The following EHMT1 variants were observed in gnomAD, a reference collection of about 807,000 sequenced individuals.
EHMT1 encodes histone-lysine N-methyltransferase EHMT1.
In EHMT1, 15 loss-of-function variants were observed where a neutral mutation model predicts 147.2. The observed-to-expected ratio is 0.10, with a 90% confidence interval of 0.07 to 0.16. EHMT1 has a LOEUF of 0.16. Ranked by LOEUF, EHMT1 falls within the 10% of genes least tolerant of loss-of-function variation. The pLI, the probability that EHMT1 is intolerant of heterozygous loss-of-function variation, is 1.00. For missense variants in EHMT1, 1,587 were observed against 1,772.4 expected, an observed-to-expected ratio of 0.90 and a Z score of 1.88; for synonymous variants, 795 against 709.6, an observed-to-expected ratio of 1.12 and a Z score of -1.91.
rs1019313355 is a variant in EHMT1, at chr9:137,835,017, G to C, written c.*64G>C. On this transcript the variant is annotated 3_prime_UTR_variant, in exon 27 of 27. Transcript: ENST00000460843. ...CGCCGCGTCGCCGATTAGAGGACGA[G>C]GAGGAGAGATTCCGCACGCAACCGA... 6 of 1,353,756 alleles carry C rather than the reference G, an allele frequency of 4.4e-6. No individual in the cohort carries two copies. The highest frequency in any genetic ancestry group is 5.7e-6 in the Non-Finnish European group (6 of 1,058,912). 83.9% of individuals were successfully genotyped at this position (1,353,756 alleles called of 1,614,324 possible). A position where few individuals can be genotyped will look rare whatever the true frequency, so the allele number is the denominator to read the frequency against.
At chr9:137,784,171 C>T in intron 15 of EHMT1, 1 of 1,551,290 alleles carries the variant, frequency 6.4e-7, no homozygotes, top group Non-Finnish European at 8.7e-7. Context: ...GGACCTCGTG[C>T]TGTTCCCGAA....
chr9:137,756,363 C>T (rs774079836), intron 8 of EHMT1, among the ~76,000 whole-genome samples: 3 of 152,184 alleles, frequency 2.0e-5, no homozygotes, highest in Non-Finnish European at 4.4e-5. Flanking sequence ...TTTGTTTATC[C>T]TTATACCAGT....
chr9:137,637,139 T>C (rs1187939812), intron 1 of EHMT1, among the ~76,000 whole-genome samples: 13 of 151,990 alleles, frequency 8.6e-5, no homozygotes, highest in African/African-American at 1.5e-4. Context: ...CCTCGTGATC[T>C]GCCCGTCTCC....
intron 5 of EHMT1, 148 bp from the exon 6 acceptor site, chr9:137,743,754 C>A: frequency 8.7e-7 from 1 of 1,155,036 alleles, no homozygotes; most frequent in Non-Finnish European, 1.2e-6. Context: ...CCGGGCTCTT[C>A]TCCAGGTGGC....
intron 1 of EHMT1, among the ~76,000 whole-genome samples, chr9:137,706,509 C>T (rs567876552): frequency 2.0e-5 from 3 of 152,346 alleles, no homozygotes; most frequent in East Asian, 1.9e-4. Flanking sequence ...ATTTTTGAGA[C>T]GGAGTCTCGC....
rs1312633647 is a variant in EHMT1, at chr9:137,721,520, C to T, written c.642+4338C>T. Among the ~76,000 whole-genome samples the T allele has an allele frequency of 1.7e-5, 2 of 115,784 alleles. 1 individual carries two copies. The highest frequency in any genetic ancestry group is 7.2e-5 in the African/African-American group (2 of 27,952). 76.0% of individuals were successfully genotyped at this position (115,784 alleles called of 152,430 possible). Reference sequence around the variant, plus strand: ...TTCTCACACGCCTCTCACCCTCTCCCACGCCTCTCACCCTCTCCCACGCCT... The same window carrying T: ...TTCTCACACGCCTCTCACCCTCTCCTACGCCTCTCACCCTCTCCCACGCCT... On this transcript the variant is annotated intron_variant, in intron 3 of 26. Coordinates refer to ENST00000460843, the MANE Select transcript of EHMT1 (RefSeq NM_024757.5).
At position 137,776,411 on chromosome 9, in the gene EHMT1, C is replaced by G; in HGVS notation, c.1792-207C>G. ...CCAAGTGACCTCTGTCTGGCTTCAG[C>G]TTCTTCTCTGTGGGGCGAGAGCACC... On this transcript the variant is annotated intron_variant, in intron 11 of 26. Coordinates refer to ENST00000460843, the MANE Select transcript of EHMT1 (RefSeq NM_024757.5). This position sits in a 1 kb window ranked among gnomAD's most constrained non-coding sequence, Gnocchi z 4.4. 1 of 533,596 alleles carries G rather than the reference C, an allele frequency of 1.9e-6. No homozygotes were observed. The highest frequency in any genetic ancestry group is 2.0e-5 in the South Asian group (1 of 49,730). The allele number at this position is 533,596 out of a possible 1,614,324, so 33.1% of individuals were successfully genotyped here.
intron 1 of EHMT1, among the ~76,000 whole-genome samples, chr9:137,704,003 G>A (rs979092429): frequency 6.6e-6 from 1 of 152,132 alleles, no homozygotes; most frequent in African/African-American, 2.4e-5. Context: ...CAATCATGGC[G>A]GGAGGGCAAA....
chr9:137,717,400 T>G, intron 3 of EHMT1: 1 of 666,758 alleles, frequency 1.5e-6, no homozygotes. Context: ...CCTAGGAGTT[T>G]GAGACCAGCC....
chr9:137,624,069 G>A (rs1347432747), intron 1 of EHMT1, among the ~76,000 whole-genome samples: 2 of 147,804 alleles, frequency 1.4e-5, no homozygotes, highest in East Asian at 2.0e-4. Context: ...GCGCCATCTC[G>A]GCTTACTGCA....
At position 137,716,760 on chromosome 9, in the gene EHMT1, C is replaced by G. The variant is rs531716541; in HGVS notation, c.220C>G (p.Gln74Glu). 23 of 1,613,008 alleles carry G rather than the reference C, an allele frequency of 1.4e-5. No homozygotes were observed. The Admixed American group carries it at 3.3e-4, about 23-fold the overall frequency. The change falls in exon 3 of 27, where the codon CAG becomes GAG. Residue 74 changes from glutamine to glutamate, a missense_variant. Gln to Glu is a conservative substitution (Grantham distance 29, BLOSUM62 2). This residue lies in a region of EHMT1 where 810 missense variants were observed against 673.0 expected (regional missense o/e 1.20). Transcript: ENST00000460843. ...TCATGCAAATGCTGCAAAGCACACT[C>G]AGGACAGCGCAAGGGTCAACCCCCA... The part of the protein sequence containing the change: ...SSHANAAKHT[Q>E]DSARVNPQDG...
Position 137,754,272 on chromosome 9 carries a change from G to A in EHMT1, c.1350G>A (p.Lys450=), listed in dbSNP as rs1328393215. Residue 450 remains lysine, a synonymous_variant, in exon 8 of 27, where the codon AAG becomes AAA. Transcript: ENST00000460843. Reference sequence around the variant, plus strand: ...GGAAAAGGAGGCGGAGAAGTAGAAAGAAGCCCAGCGGTGCCCTCGGTAAAT... The same window carrying A: ...GGAAAAGGAGGCGGAGAAGTAGAAAAAAGCCCAGCGGTGCCCTCGGTAAAT... ...PARKRRRRSR[K]KPSGALGSES... The A allele has an allele frequency of 6.2e-7, 1 of 1,614,114 alleles. No individual in the cohort carries two copies. Among genetic ancestry groups the A allele is most frequent in the Non-Finnish European group, 8.5e-7 (1 of 1,179,994 alleles).
Position 137,787,515 on chromosome 9 carries a change from T to G in EHMT1, c.2383-3333T>G. 1 of 343,682 alleles carries G rather than the reference T, an allele frequency of 2.9e-6. No homozygotes were observed. Among genetic ancestry groups the G allele is most frequent in the African/African-American group, 2.1e-5 (1 of 47,024 alleles). 21.3% of individuals were successfully genotyped at this position (343,682 alleles called of 1,614,324 possible). ...TGCCCAGCTCGGCCACGGCCACACGTGGGGTAGTTAGTAAACACCATGGAC... is the reference window on the plus strand; with the variant it reads ...TGCCCAGCTCGGCCACGGCCACACGGGGGGTAGTTAGTAAACACCATGGAC... On this transcript the variant is annotated intron_variant, in intron 15 of 26. Transcript: ENST00000460843. The surrounding 1 kb of genome is among the most constrained non-coding windows in gnomAD (Gnocchi z 4.2).
intron 18 of EHMT1, among the ~76,000 whole-genome samples, chr9:137,811,077 C>T (rs1324518777): frequency 2.6e-5 from 4 of 152,022 alleles, no homozygotes; most frequent in Admixed American, 6.6e-5. Context: ...TATGACTATA[C>T]CCCTGCTTGG....
At chr9:137,670,744 T>C (rs2501559) in intron 1 of EHMT1, among the ~76,000 whole-genome samples, 59,329 of 152,024 alleles carry the variant, frequency 0.39, 13,758 homozygotes, top group African/African-American at 0.65. Flanking sequence ...TCTGCGCGTC[T>C]TCCTCGTGTA....
intron 16 of EHMT1, among the ~76,000 whole-genome samples, chr9:137,798,041 A>G (rs576187010): frequency 6.6e-6 from 1 of 152,146 alleles, no homozygotes; most frequent in Non-Finnish European, 1.5e-5. Flanking sequence ...GGTGTGATCT[A>G]TTTGGTCTCC....
intron 1 of EHMT1, among the ~76,000 whole-genome samples, chr9:137,622,221 T>C (rs955364389): frequency 6.6e-6 from 1 of 150,628 alleles, no homozygotes; most frequent in African/African-American, 2.4e-5. Flanking sequence ...CGGATTCAAG[T>C]GATTCTTGTG....
intron 5 of EHMT1, 42 bp from the exon 6 acceptor site, chr9:137,743,860 G>T: frequency 6.3e-6 from 10 of 1,576,598 alleles, no homozygotes; most frequent in Non-Finnish European, 8.6e-6. Context: ...TTCATGATGC[G>T]CACTGATCCT....
At chr9:137,645,715 C>T (rs1238474464) in intron 1 of EHMT1, among the ~76,000 whole-genome samples, 1 of 152,048 alleles carries the variant, frequency 6.6e-6, no homozygotes, top group Non-Finnish European at 1.5e-5. Flanking sequence ...TTTGTACTTG[C>T]AGCGCTGAGT....
Sources: gnomAD v4.1 joint callset for allele counts (sites outside exome capture counted in the v4.1 genomes callset) on GRCh38, gnomAD v4.1.1 for gene constraint, gnomAD v4.1.1 regional missense constraint, Gnocchi (gnomAD v3.1) non-coding constraint, MANE v1.5 for transcripts, NCBI Gene and HGNC (gene_info 2026-07-23, HGNC 2026-07-21) for gene names.